Variants in TBX18 observed in about 807,000 individuals in gnomAD.
The protein encoded by TBX18 is T-box transcription factor TBX18.
In TBX18, 21 loss-of-function variants were observed where a neutral mutation model predicts 55.0. That is an observed-to-expected ratio of 0.38 (90% confidence interval 0.27 to 0.55). The LOEUF is 0.55. Ranked by LOEUF, TBX18 falls within the 20% of genes least tolerant of loss-of-function variation. TBX18 has a pLI of 0.73. For synonymous variants in TBX18, 342 were observed against 326.1 expected, an observed-to-expected ratio of 1.05 and a Z score of -0.53; for missense variants, 840 against 799.6, an observed-to-expected ratio of 1.05 and a Z score of -0.61.
intron 4 of TBX18, among the ~76,000 whole-genome samples, chr6:84,755,007 G>C (rs575945429): frequency 6.6e-6 from 1 of 152,048 alleles, no homozygotes; most frequent in Non-Finnish European, 1.5e-5. Flanking sequence ...CTCTGTGTCT[G>C]TTTTTCTCTC....
At chr6:84,746,214 T>C (rs215923) in intron 5 of TBX18, among the ~76,000 whole-genome samples, 23,007 of 151,880 alleles carry the variant, frequency 0.15, 2,302 homozygotes, top group East Asian at 0.39. Flanking sequence ...AGTGCACAGT[T>C]AATTTGTGTG....
In TBX18 at chr6:84,762,661, G is replaced by A; in HGVS notation, c.380C>T (p.Ala127Val). 1.2e-6 allele frequency: 2 copies of A among 1,610,202 alleles called. No individual in the cohort carries two copies. Among genetic ancestry groups the A allele is most frequent in the Non-Finnish European group, 1.7e-6 (2 of 1,178,528 alleles). ...SPKGSPARSL[A>V]RPGTPLPSPQ... ...CGAGGGCAGAGGGGTCCCGGGCCGG[G>A]CCAGGGAGCGCGCCGGAGACCCCTT... The change falls in exon 2 of 8, where the codon GCC becomes GTC. Residue 127 changes from alanine (A) to valine (V), a missense_variant. Transcript: ENST00000369663.
chr6:84,741,424 C>T (rs574461269), intron 6 of TBX18: 1 of 152,100 alleles, frequency 6.6e-6, no homozygotes. Context: ...AGGGTCAAAC[C>T]TAAGGCCTAA....
At chr6:84,741,488 C>T (rs1477949331) in intron 6 of TBX18, 4 of 152,196 alleles carry the variant, frequency 2.6e-5, no homozygotes, top group Non-Finnish European at 5.9e-5. Context: ...TAGCAAATGT[C>T]TTGCAGGAGA....
intron 6 of TBX18, chr6:84,741,885 G>T: frequency 6.6e-6 from 1 of 152,048 alleles, no homozygotes; most frequent in East Asian, 1.9e-4. Context: ...TAATACACAA[G>T]TTAGAAATGC....
At chr6:84,751,985 A>G (rs1178176578) in intron 4 of TBX18, among the ~76,000 whole-genome samples, 3 of 152,216 alleles carry the variant, frequency 2.0e-5, no homozygotes, top group East Asian at 1.9e-4. Context: ...CCACAATGAT[A>G]TGATGCCCAT....
At chr6:84,748,836 A>G (rs1767266763) in intron 4 of TBX18, among the ~76,000 whole-genome samples, 1 of 152,214 alleles carries the variant, frequency 6.6e-6, no homozygotes, top group Non-Finnish European at 1.5e-5. Flanking sequence ...CGGGCATCAG[A>G]TTATTTGTAA....
chr6:84,741,611 A>C (rs1346155023), intron 6 of TBX18: 1 of 152,212 alleles, frequency 6.6e-6, no homozygotes, highest in East Asian at 1.9e-4. Context: ...TTAAACAATC[A>C]CAAGTCTATG....
chr6:84,749,138 T>G (rs772697697), intron 4 of TBX18, among the ~76,000 whole-genome samples: 10 of 152,102 alleles, frequency 6.6e-5, no homozygotes, highest in Admixed American at 1.3e-4. Context: ...GCTGATGGGG[T>G]AGGGTGAAGA....
In TBX18 at chr6:84,736,963, C is replaced by T. The variant is rs375591537; in HGVS notation, c.1546G>A (p.Gly516Ser). 1 of 1,609,164 alleles carries T rather than the reference C, an allele frequency of 6.2e-7. No individual in the cohort carries two copies. The highest frequency in any genetic ancestry group is 1.7e-5 in the Admixed American group (1 of 59,750). Residue 516 changes from glycine (G) to serine (S), a missense_variant, in exon 8 of 8, where the codon GGT becomes AGT. Coordinates refer to ENST00000369663, the MANE Select transcript of TBX18 (RefSeq NM_001080508.3). ...TGTAATCTAAAAGTATTATAGGAAC[C>T]CTGATGGGTCTGGTTAGTGGCGAAG... Reference protein sequence around the residue: ...NAFATNQTHQGSYNTFRLHSP... With the variant: ...NAFATNQTHQSSYNTFRLHSP...
At position 84,764,492 on chromosome 6, in the gene TBX18, G is replaced by T. The variant is rs1185824798; in HGVS notation, c.-311C>A. On this transcript the variant is annotated 5_prime_UTR_variant, in exon 1 of 8. Coordinates refer to ENST00000369663, the MANE Select transcript of TBX18 (RefSeq NM_001080508.3). ...CTCCGAGGTCTGCCTCAACTGATGC[G>T]CCAGAGAGGACTAACATGGGTAAAA... 1.7e-5 allele frequency: 6 copies of T among 360,116 alleles called. No individual in the cohort carries two copies. The highest frequency in any genetic ancestry group is 2.5e-5 in the Non-Finnish European group (5 of 202,034). The allele number at this position is 360,116 out of a possible 1,614,324, so 22.3% of individuals were successfully genotyped here.
At chr6:84,744,186 A>C in intron 6 of TBX18, 75 bp downstream of exon 6, 1 of 1,280,130 alleles carries the variant, frequency 7.8e-7, no homozygotes, top group Non-Finnish European at 1.1e-6. Flanking sequence ...TTAGCCATTT[A>C]CTTTGTAATA....
rs1773844889 is a variant in TBX18 at position 84,732,976 on chromosome 6, T to C, written c.*3709A>G. On this transcript the variant is annotated 3_prime_UTR_variant, in exon 8 of 8. Coordinates refer to ENST00000369663, the MANE Select transcript of TBX18 (RefSeq NM_001080508.3). ...ATACTAACAATTATCATCCCAGCCA[T>C]TCCTTTCACACATAGCAAAACTGAG... The C allele has an allele frequency of 6.6e-6, 1 of 152,100 alleles. No homozygotes were observed. Among genetic ancestry groups the C allele is most frequent in the African/African-American group, 2.4e-5 (1 of 41,422 alleles). The allele number at this position is 152,100 out of a possible 1,614,324, so 9.4% of individuals were successfully genotyped here. A position where few individuals can be genotyped will look rare whatever the true frequency, so the allele number is the denominator to read the frequency against.
At position 84,735,587 on chromosome 6, in the gene TBX18, G is replaced by A. The variant is rs1429053892; in HGVS notation, c.*1098C>T. On this transcript the variant is annotated 3_prime_UTR_variant, in exon 8 of 8. Coordinates refer to ENST00000369663, the MANE Select transcript of TBX18 (RefSeq NM_001080508.3). The stretch of plus-strand genomic sequence containing the variant: ...ACTATCTGTTTTGGGAAAGACTCAG[G>A]CAGACGGACAAGGTTAAGAAGGGGA... The A allele has an allele frequency of 1.3e-5, 2 of 152,170 alleles. No individual in the cohort carries two copies. Among genetic ancestry groups the A allele is most frequent in the African/African-American group, 4.8e-5 (2 of 41,440 alleles). The allele number at this position is 152,170 out of a possible 1,614,324, so 9.4% of individuals were successfully genotyped here.
chr6:84,754,165 T>G (rs1385795760), intron 4 of TBX18, among the ~76,000 whole-genome samples: 1 of 152,148 alleles, frequency 6.6e-6, no homozygotes, highest in Non-Finnish European at 1.5e-5. Flanking sequence ...TGACCTCAGG[T>G]GATCCACCTG....
At chr6:84,749,487 CTTTT>C (rs5877913) in intron 4 of TBX18, among the ~76,000 whole-genome samples, 1 of 145,250 alleles carries the variant, frequency 6.9e-6, no homozygotes, top group Non-Finnish European at 1.5e-5. Context: ...TTTTTTTTTT[CTTTT>C]TTTTTTTTTA....
At chr6:84,745,563 A>G (rs994789018) in intron 5 of TBX18, among the ~76,000 whole-genome samples, 6 of 152,106 alleles carry the variant, frequency 3.9e-5, no homozygotes, top group African/African-American at 1.2e-4. Flanking sequence ...TATGTGGATA[A>G]AACTATATTA....
intron 3 of TBX18, 38 bp downstream of exon 3, chr6:84,760,217 G>A (rs78099179): frequency 4.7e-6 from 5 of 1,068,518 alleles, no homozygotes; most frequent in South Asian, 1.9e-5. Flanking sequence ...AAATCCTAGT[G>A]TTTTTTTTTT....
intron 3 of TBX18, among the ~76,000 whole-genome samples, chr6:84,759,387 T>C (rs997140441): frequency 3.3e-5 from 5 of 152,146 alleles, no homozygotes; most frequent in Non-Finnish European, 7.4e-5. Flanking sequence ...CTCTGTCCCA[T>C]GCAACAACAA....
Sources: gnomAD v4.1 joint callset for allele counts (sites outside exome capture counted in the v4.1 genomes callset) on GRCh38, gnomAD v4.1.1 for gene constraint, MANE v1.5 for transcripts, NCBI Gene and HGNC (gene_info 2026-07-23, HGNC 2026-07-21) for gene names.